FDFT1: variants seen among roughly 807,000 people sequenced by gnomAD.
The protein encoded by FDFT1 is squalene synthase.
A neutral mutation model predicts 46.8 loss-of-function variants in FDFT1; 68 were observed. The observed-to-expected ratio is 1.45, with a 90% CI of 1.19 to 1.78. The LOEUF (loss-of-function observed/expected upper bound fraction) is 1.78, where lower values mean the gene tolerates loss of function less well. FDFT1 is among the 40% of genes most tolerant of loss of function. The pLI, the probability that FDFT1 is intolerant of heterozygous loss-of-function variation, is 0.00. For synonymous variants in FDFT1, 351 were observed against 185.1 expected (o/e 1.90, Z -7.28); for missense variants, 928 against 524.4 (o/e 1.77, Z -7.52).
intron 1 of FDFT1, chr8:11,803,574 T>A: frequency 2.3e-6 from 2 of 856,868 alleles, no homozygotes; most frequent in African/African-American, 1.8e-5. Flanking sequence ...ACTATTTGTT[T>A]AATGAATGCA....
intron 3 of FDFT1, among the ~76,000 whole-genome samples, chr8:11,816,874 G>A (rs1452649685): frequency 1.3e-5 from 2 of 152,130 alleles, no homozygotes; most frequent in African/African-American, 4.8e-5. Flanking sequence ...TCTCTTGCCT[G>A]ATTATCCTGG....
rs1028886618 is a variant in FDFT1 at position 11,831,505 on chromosome 8, T to C, written c.880-13T>C. 5 of 1,611,140 alleles carry C rather than the reference T, an allele frequency of 3.1e-6. No homozygotes were observed. The African/African-American group carries it at 6.7e-5, about 22-fold the overall frequency. ...CATTTCTTCTTTTTTCCCTCTCTTCTTGTTGTCTCTAGGTGATGGCCATTG... is the reference window on the plus strand; with the variant it reads ...CATTTCTTCTTTTTTCCCTCTCTTCCTGTTGTCTCTAGGTGATGGCCATTG... On this transcript the variant is annotated splice_polypyrimidine_tract_variant and intron_variant, in intron 6 of 7. Transcript: ENST00000220584.
chr8:11,826,675 C>T (rs528486998), intron 5 of FDFT1, among the ~76,000 whole-genome samples: 163 of 152,212 alleles, frequency 1.1e-3, no homozygotes, highest in South Asian at 5.6e-3. Context: ...ATTAGCCGGG[C>T]GTGGTGGCAA....
chr8:11,798,763 C>T (rs1322007153), upstream of FDFT1, among the ~76,000 whole-genome samples: 1 of 152,198 alleles, frequency 6.6e-6, no homozygotes, highest in Non-Finnish European at 1.5e-5. Context: ...TTCATTGAGC[C>T]AGTATGTGCT....
chr8:11,797,009 C>T (rs1006079448), intron 1 of FDFT1, among the ~76,000 whole-genome samples: 6 of 152,324 alleles, frequency 3.9e-5, no homozygotes, highest in African/African-American at 1.4e-4. Flanking sequence ...GATTAAAGGA[C>T]AGTTTCTGAA....
intron 5 of FDFT1, among the ~76,000 whole-genome samples, chr8:11,829,331 T>A (rs1563335222): frequency 6.6e-6 from 1 of 152,216 alleles, no homozygotes; most frequent in Non-Finnish European, 1.5e-5. Context: ...CTTCAGAGAA[T>A]CCTCTAAATA....
rs1312251268 is a variant in FDFT1, at chr8:11,821,952, C to A, written c.510+74C>A. The A allele has an allele frequency of 6.5e-6, 10 of 1,549,994 alleles. No individual in the cohort carries two copies. The African/African-American group carries it at 9.6e-5, about 15-fold the overall frequency. Reference sequence around the variant, plus strand: ...GCAGTCCTCATAGTGAAGCTCAGAACAAGAAAAGTTGTCCAGTATTTTCAG... The same window carrying A: ...GCAGTCCTCATAGTGAAGCTCAGAAAAAGAAAAGTTGTCCAGTATTTTCAG... On this transcript the variant is annotated intron_variant, in intron 4 of 7. Transcript: ENST00000220584.
At chr8:11,819,325 C>G (rs1027526860) in intron 3 of FDFT1, among the ~76,000 whole-genome samples, 1 of 152,146 alleles carries the variant, frequency 6.6e-6, no homozygotes, top group African/African-American at 2.4e-5. Flanking sequence ...AATTACGTAT[C>G]TTGGGATTGC....
chr8:11,802,162 G>C, upstream of FDFT1: 1 of 448,938 alleles, frequency 2.2e-6, no homozygotes, highest in South Asian at 1.6e-5. Flanking sequence ...CCCTGGGGCT[G>C]GATGGCGGTG....
chr8:11,827,980 T>A (rs181371194), intron 5 of FDFT1, among the ~76,000 whole-genome samples: 165 of 152,054 alleles, frequency 1.1e-3, no homozygotes, highest in Non-Finnish European at 1.5e-3. Context: ...GGTGAGTGGA[T>A]CACTTGAGGT....
chr8:11,807,645 C>A (rs757067439), intron 1 of FDFT1, among the ~76,000 whole-genome samples: 1 of 152,202 alleles, frequency 6.6e-6, no homozygotes, highest in Non-Finnish European at 1.5e-5. Context: ...GATATGCTTG[C>A]ATTTAAAATC....
chr8:11,831,632 C>G lies in FDFT1; in HGVS notation c.994C>G (p.Pro332Ala), dbSNP rs752852722. 10 of 1,613,778 alleles carry G rather than the reference C, an allele frequency of 6.2e-6. No individual in the cohort carries two copies. Among genetic ancestry groups the G allele is most frequent in the Middle Eastern group, 1.6e-4 (1 of 6,084 alleles). Reference protein sequence around the residue: ...VTLMMDATNMPAVKAIIYQYM... With the variant: ...VTLMMDATNMAAVKAIIYQYM... ...CCTGATGATGGATGCCACCAATATG[C>G]CAGCTGTCAAAGCCATCATATATCA... The change falls in exon 7 of 8, where the codon CCA becomes GCA. Residue 332 changes from proline (P) to alanine (A), a missense_variant. Physicochemically the swap from Pro to Ala is conservative, Grantham distance 27. Transcript: ENST00000220584.
At chr8:11,831,275 T>G (rs1027071414) in intron 6 of FDFT1, among the ~76,000 whole-genome samples, 1 of 152,262 alleles carries the variant, frequency 6.6e-6, no homozygotes, top group Admixed American at 6.5e-5. Flanking sequence ...ATGGAACTTT[T>G]GTGGCTACAT....
intron 1 of FDFT1, chr8:11,803,623 C>G (rs1000397871): frequency 3.8e-6 from 2 of 523,004 alleles, no homozygotes; most frequent in Non-Finnish European, 2.8e-6. Flanking sequence ...ATTATTCGTA[C>G]GCGATTATTG....
rs892861554 is a variant in FDFT1 at position 11,802,745 on chromosome 8, C to T, written c.-88C>T. On this transcript the variant is annotated 5_prime_UTR_variant, in exon 1 of 8. Coordinates refer to ENST00000220584, the MANE Select transcript of FDFT1 (RefSeq NM_004462.5). ...CCCCTGTCCGGCCAGCCCCTCGAAG[C>T]ACCTACTCCACAGGTCCAGCCGGCC... 4.2e-5 allele frequency: 42 copies of T among 1,008,902 alleles called. No individual in the cohort carries two copies. The highest frequency in any genetic ancestry group is 8.1e-5 in the African/African-American group (5 of 61,970). 62.5% of individuals were successfully genotyped at this position (1,008,902 alleles called of 1,614,324 possible).
In FDFT1 at chr8:11,839,120, A is replaced by C. The variant is rs919474346; in HGVS notation, c.*511A>C. The C allele has an allele frequency of 6.4e-6, 1 of 155,544 alleles. No individual in the cohort carries two copies. The highest frequency in any genetic ancestry group is 2.4e-5 in the African/African-American group (1 of 41,458). The allele number at this position is 155,544 out of a possible 1,614,324, so 9.6% of individuals were successfully genotyped here. On this transcript the variant is annotated 3_prime_UTR_variant, in exon 8 of 8. Transcript: ENST00000220584. The stretch of plus-strand genomic sequence containing the variant: ...CAGTTAGATGTTTCCTAAGAATGCA[A>C]ACTGCCTTTTCCACACAAAGGCTGG...
At chr8:11,837,347 C>G (rs900011652) in intron 7 of FDFT1, among the ~76,000 whole-genome samples, 1 of 152,346 alleles carries the variant, frequency 6.6e-6, no homozygotes. Context: ...CTTCCCACCC[C>G]AGTCCCCAAG....
upstream of FDFT1, among the ~76,000 whole-genome samples, chr8:11,797,335 C>T (rs1238734934): frequency 2.0e-5 from 3 of 152,162 alleles, no homozygotes; most frequent in East Asian, 3.9e-4. Flanking sequence ...TGTTCAGCTT[C>T]CAAGTGGACA....
upstream of FDFT1, chr8:11,802,018 G>C: frequency 2.2e-6 from 1 of 456,074 alleles, no homozygotes; most frequent in South Asian, 1.5e-5. Context: ...GGGCTGGAGA[G>C]ATCTAGGATG....
Sources: gnomAD v4.1 joint callset for allele counts (sites outside exome capture counted in the v4.1 genomes callset) on GRCh38, gnomAD v4.1.1 for gene constraint, MANE v1.5 for transcripts, NCBI Gene and HGNC (gene_info 2026-07-23, HGNC 2026-07-21) for gene names.